ACTN1: variants seen among roughly 807,000 people sequenced by gnomAD.
The protein encoded by ACTN1 is actinin alpha 1.
A neutral mutation model predicts 119.6 loss-of-function variants in ACTN1; 30 were observed. The ratio of observed to expected loss-of-function variants is 0.25; its 90% CI spans 0.19 to 0.34. The LOEUF (loss-of-function observed/expected upper bound fraction) is 0.34, where lower values mean the gene tolerates loss of function less well. ACTN1 is among the 10% of genes least tolerant of loss of function. ACTN1 has a pLI of 1.00. For missense variants in ACTN1, 764 were observed against 1,223.4 expected, an observed-to-expected ratio of 0.62 and a Z score of 5.60; for synonymous variants, 429 against 472.6, an observed-to-expected ratio of 0.91 and a Z score of 1.20.
At chr14:68,912,064 C>T (rs575203123) in intron 4 of ACTN1, 92 bp downstream of exon 4, 13 of 1,144,960 alleles carry the variant, frequency 1.1e-5, no homozygotes, top group African/African-American at 6.1e-5. Context: ...CCCTGATCAA[C>T]GTCCGTTGCC....
At chr14:68,930,645 G>A (rs1292727134) in intron 1 of ACTN1, among the ~76,000 whole-genome samples, 1 of 152,202 alleles carries the variant, frequency 6.6e-6, no homozygotes, top group African/African-American at 2.4e-5. Flanking sequence ...AAAGAAGACT[G>A]CAAATCCAGG....
chr14:68,882,468 G>T lies in ACTN1; in HGVS notation c.1943C>A (p.Thr648Asn). 3 of 1,614,144 alleles carry T rather than the reference G, an allele frequency of 1.9e-6. No individual in the cohort carries two copies. Among genetic ancestry groups the T allele is most frequent in the East Asian group, 2.2e-5 (1 of 44,872 alleles). ...CAGCATGGGACCCACCTCCATCTTG[G>T]TCTGGATCCAGGGCCCGATGACATT... ...QANVIGPWIQ[T>N]KMEEIGRISI... The change falls in exon 16 of 22, where the codon ACC (threonine) becomes AAC (asparagine). Residue 648 changes from threonine (T) to asparagine (N), a missense_variant. Coordinates refer to ENST00000394419, the MANE Select transcript of ACTN1 (RefSeq NM_001130004.2). This position sits in a 1 kb window ranked among gnomAD's most constrained non-coding sequence, Gnocchi z 4.5.
intron 1 of ACTN1, among the ~76,000 whole-genome samples, chr14:68,976,967 G>A (rs1256716878): frequency 6.6e-6 from 1 of 152,140 alleles, no homozygotes; most frequent in African/African-American, 2.4e-5. Flanking sequence ...TCCCCACTGC[G>A]TTTAATATAT....
In ACTN1 at chr14:68,925,342, A is replaced by T. The variant is rs8014317; in HGVS notation, c.220+216T>A. 0.12 allele frequency among the ~76,000 whole-genome samples: 14,402 copies of T among 124,330 alleles called. 973 individuals carry two copies. The highest frequency in any genetic ancestry group is 0.51 in the East Asian group (1,737 of 3,404). 81.6% of individuals were successfully genotyped at this position (124,330 alleles called of 152,430 possible). A position where few individuals can be genotyped will look rare whatever the true frequency, so the allele number is the denominator to read the frequency against. On this transcript the variant is annotated intron_variant, in intron 2 of 21. Transcript: ENST00000394419. This position sits in a 1 kb window ranked among gnomAD's most constrained non-coding sequence, Gnocchi z 4.3. ...CCTTTTTTTTTTTTTTTTTTTTTTT[A>T]AAACAAACAAGGATGCTGAAACAAA...
intron 4 of ACTN1, 42 bp from the exon 5 acceptor site, chr14:68,910,084 C>T (rs375699601): frequency 1.9e-6 from 3 of 1,554,484 alleles, no homozygotes; most frequent in East Asian, 2.2e-5. Flanking sequence ...AGGGCTGACT[C>T]GGTGGAGGGA....
intron 1 of ACTN1, among the ~76,000 whole-genome samples, chr14:68,960,377 C>G (rs1566674894): frequency 6.6e-6 from 1 of 152,120 alleles, no homozygotes; most frequent in Non-Finnish European, 1.5e-5. Flanking sequence ...ACAATGACAA[C>G]TATGTGAGGT....
intron 8 of ACTN1, among the ~76,000 whole-genome samples, chr14:68,900,496 A>G (rs1374669336): frequency 1.3e-5 from 2 of 151,562 alleles, no homozygotes; most frequent in African/African-American, 4.9e-5. Context: ...AAGGAGGGAG[A>G]GAGAGAGAGG....
In ACTN1 at chr14:68,909,332, C is replaced by A; in HGVS notation, c.580G>T (p.Gly194Trp). The change falls in exon 6 of 22, where the codon GGG becomes TGG. Residue 194 changes from glycine to tryptophan, a missense_variant. By Grantham distance (184) the Gly-to-Trp change is radical. Coordinates refer to ENST00000394419, the MANE Select transcript of ACTN1 (RefSeq NM_001130004.2). This position sits in a 1 kb window ranked among gnomAD's most constrained non-coding sequence, Gnocchi z 4.1. ...GGCACACATACCTTCCGCAGCTTCCCGTAGTCAATCAGCTCGGGCCGGTGT... is the reference window on the plus strand; with the variant it reads ...GGCACACATACCTTCCGCAGCTTCCAGTAGTCAATCAGCTCGGGCCGGTGT... ...HRHRPELIDY[G>W]KLRKDDPLTN... The A allele has an allele frequency of 6.2e-7, 1 of 1,613,950 alleles. No homozygotes were observed. The highest frequency in any genetic ancestry group is 1.1e-5 in the South Asian group (1 of 91,066).
intron 3 of ACTN1, among the ~76,000 whole-genome samples, chr14:68,914,731 G>A (rs77391715): frequency 0.036 from 5,544 of 152,142 alleles, 215 homozygotes; most frequent in Non-Finnish European, 0.049. Flanking sequence ...TGATATCACC[G>A]CTGCACTCCA....
intron 8 of ACTN1, 99 bp from the exon 9 acceptor site, chr14:68,893,846 C>T: frequency 8.7e-7 from 1 of 1,143,274 alleles, no homozygotes; most frequent in Non-Finnish European, 1.3e-6. Context: ...CCCTGCAGCT[C>T]CCTGTGGTTG....
At chr14:68,913,418 C>T (rs960291883) in intron 3 of ACTN1, among the ~76,000 whole-genome samples, 2 of 152,102 alleles carry the variant, frequency 1.3e-5, no homozygotes, top group Admixed American at 1.3e-4. Flanking sequence ...CTACCTGCAA[C>T]ATTAATTTTA....
intron 6 of ACTN1, among the ~76,000 whole-genome samples, chr14:68,905,467 G>C (rs2033610489): frequency 6.6e-6 from 1 of 152,208 alleles, no homozygotes; most frequent in Non-Finnish European, 1.5e-5. Flanking sequence ...CAAAAGAATT[G>C]AAAGCAGGTT....
intron 9 of ACTN1, 107 bp downstream of exon 9, chr14:68,893,548 G>A: frequency 9.0e-7 from 1 of 1,109,052 alleles, no homozygotes; most frequent in Non-Finnish European, 1.3e-6. Flanking sequence ...ATTGGGATCA[G>A]AGACTATACA....
intron 1 of ACTN1, chr14:68,978,545 T>C: frequency 3.5e-6 from 1 of 281,896 alleles, no homozygotes; most frequent in Non-Finnish European, 6.9e-6. Flanking sequence ...TATGGAGAGG[T>C]GGCCAGGGGC....
chr14:68,970,464 G>A (rs1396775154), intron 1 of ACTN1, among the ~76,000 whole-genome samples: 1 of 152,178 alleles, frequency 6.6e-6, no homozygotes, highest in African/African-American at 2.4e-5. Context: ...AAATAAACCT[G>A]AGCCTCGGCT....
At chr14:68,956,012 G>C (rs2036340827) in intron 1 of ACTN1, among the ~76,000 whole-genome samples, 1 of 152,180 alleles carries the variant, frequency 6.6e-6, no homozygotes, top group Admixed American at 6.5e-5. Flanking sequence ...GAGTGAAGCA[G>C]CTGGAGCCAG....
intron 1 of ACTN1, among the ~76,000 whole-genome samples, chr14:68,958,266 G>A (rs377709248): frequency 6.6e-6 from 1 of 152,194 alleles, no homozygotes; most frequent in Non-Finnish European, 1.5e-5. Context: ...ATTAGTGGCT[G>A]AGAAGACCGT....
Position 68,882,424 on chromosome 14 carries a change from G to GGGGGGA in ACTN1, c.1953+33_1953+34insTCCCCC. ...GGATAGTGTCGGGGGGGAGGGGTGG[G>GGGGGGA]AGCCCCAGCACTGCTTCCCAGCATG... is the stretch of plus-strand genomic sequence containing the variant. On this transcript the variant is annotated intron_variant, in intron 16 of 21. Transcript: ENST00000394419. The surrounding 1 kb of genome is among the most constrained non-coding windows in gnomAD (Gnocchi z 4.5). The GGGGGGA allele has an allele frequency of 9.2e-7, 1 of 1,081,784 alleles. No individual in the cohort carries two copies. Among genetic ancestry groups the GGGGGGA allele is most frequent in the Non-Finnish European group, 1.4e-6 (1 of 734,396 alleles). 67.0% of individuals were successfully genotyped at this position (1,081,784 alleles called of 1,614,324 possible). A position where few individuals can be genotyped will look rare whatever the true frequency, so the allele number is the denominator to read the frequency against.
chr14:68,875,188 C>T, intron 21 of ACTN1, 171 bp from the exon 22 acceptor site: 1 of 1,478,428 alleles, frequency 6.8e-7, no homozygotes, highest in Non-Finnish European at 9.0e-7. Context: ...ATGTACATAC[C>T]GCATACACAA....
Sources: allele counts gnomAD v4.1 joint callset (sites outside exome capture counted in the v4.1 genomes callset), GRCh38; gene constraint gnomAD v4.1.1; non-coding constraint Gnocchi (gnomAD v3.1); transcripts MANE v1.5; gene names NCBI Gene and HGNC (gene_info 2026-07-23, HGNC 2026-07-21).